Variants in RBPJ observed in about 807,000 individuals in gnomAD.
RBPJ encodes the protein recombining binding protein suppressor of hairless.
In RBPJ, 9 loss-of-function variants were observed where a neutral mutation model predicts 67.8. The ratio of observed to expected loss-of-function variants is 0.13; its 90% CI spans 0.08 to 0.23. RBPJ has a LOEUF of 0.23. Among genes scored for constraint, RBPJ ranks in the 10% least tolerant of loss-of-function variants. The probability of loss-of-function intolerance (pLI) is 1.00; values close to 1 mark genes in which losing one functional copy is unlikely to be tolerated. For missense variants in RBPJ, 305 were observed against 595.6 expected (o/e 0.51, Z 5.08); for synonymous variants, 198 against 203.3 (o/e 0.97, Z 0.22).
chr4:26,126,845 AT>A, the RBPJ span, among the ~76,000 whole-genome samples: 2 of 152,360 alleles, frequency 1.3e-5, no homozygotes, highest in African/African-American at 2.4e-5. Flanking sequence ...ACAGAGAACC[AT>A]ATGGACAGTG....
intron 1 of RBPJ, among the ~76,000 whole-genome samples, chr4:26,241,958 G>T (rs574314732): frequency 1.3e-5 from 2 of 152,090 alleles, no homozygotes; most frequent in African/African-American, 4.8e-5. Context: ...GCTCAATACC[G>T]CACAGTCTAA....
the RBPJ span, chr4:26,112,667 A>T: frequency 6.6e-6 from 1 of 150,626 alleles, no homozygotes; most frequent in East Asian, 2.0e-4. Context: ...TTGGAAAAGG[A>T]GCCATATGGA....
chr4:26,413,406 C>A (rs1734235305), intron 3 of RBPJ, among the ~76,000 whole-genome samples: 1 of 152,180 alleles, frequency 6.6e-6, no homozygotes, highest in Non-Finnish European at 1.5e-5. Flanking sequence ...AGTACATATG[C>A]ATGTTATTTC....
At chr4:26,246,638 G>A (rs1719936497) in intron 1 of RBPJ, among the ~76,000 whole-genome samples, 1 of 152,184 alleles carries the variant, frequency 6.6e-6, no homozygotes, top group African/African-American at 2.4e-5. Flanking sequence ...AAGCAAGCCT[G>A]CCACCAGCAA....
chr4:26,208,325 G>T (rs572804425), intron 1 of RBPJ, among the ~76,000 whole-genome samples: 2 of 152,126 alleles, frequency 1.3e-5, no homozygotes, highest in African/African-American at 4.8e-5. Context: ...GGATTCAAAC[G>T]CAGATCATGC....
intron 1 of RBPJ, among the ~76,000 whole-genome samples, chr4:26,255,403 CAAAAAAAA>C (rs766336628): frequency 2.3e-4 from 8 of 34,544 alleles, no homozygotes; most frequent in Non-Finnish European, 3.5e-4. Flanking sequence ...GACTCCGTCT[CAAAAAAAA>C]AAAAAAAAAA....
chr4:26,190,653 C>T (rs1463661772), intron 1 of RBPJ, among the ~76,000 whole-genome samples: 3 of 152,108 alleles, frequency 2.0e-5, no homozygotes, highest in East Asian at 3.8e-4. Context: ...CAGTCTTCAG[C>T]GAGTTTGAAG....
intron 2 of RBPJ, among the ~76,000 whole-genome samples, chr4:26,400,893 C>T (rs1732710178): frequency 6.6e-6 from 1 of 152,182 alleles, no homozygotes; most frequent in South Asian, 2.1e-4. Context: ...TAGTAAGCTT[C>T]CAATAAATCT....
At chr4:26,319,848 G>T (rs778972555), upstream of RBPJ, 1 of 1,592,946 alleles carries the variant, frequency 6.3e-7, no homozygotes, top group Admixed American at 1.7e-5. Context: ...GAATCTCTAG[G>T]AAAGGAAAGA....
At chr4:26,288,848 A>AGATGGAGTCTCGATTTGTCACGAAGG (rs1553857659) in intron 1 of RBPJ, among the ~76,000 whole-genome samples, 2 of 137,846 alleles carry the variant, frequency 1.5e-5, no homozygotes, top group South Asian at 2.2e-4. Context: ...AAGCGAGGTC[A>AGATGGAGTCTCGATTTGTCACGAAGG]CTTTTGTACA....
intron 1 of RBPJ, among the ~76,000 whole-genome samples, chr4:26,325,651 G>C (rs1723548972): frequency 6.6e-6 from 1 of 152,206 alleles, no homozygotes; most frequent in Non-Finnish European, 1.5e-5. Flanking sequence ...CTCAAAAGAT[G>C]TTAGCTACTG....
chr4:26,180,937 G>A (rs930450853), intron 1 of RBPJ, among the ~76,000 whole-genome samples: 1 of 152,154 alleles, frequency 6.6e-6, no homozygotes, highest in African/African-American at 2.4e-5. Flanking sequence ...TATTTCCCAT[G>A]CTGTTCTCAA....
At chr4:26,353,409 C>G (rs1727007687) in intron 1 of RBPJ, among the ~76,000 whole-genome samples, 1 of 152,156 alleles carries the variant, frequency 6.6e-6, no homozygotes, top group South Asian at 2.1e-4. Context: ...TCTGGTTCTG[C>G]CACTTAAATG....
At chr4:26,143,031 C>T in the RBPJ span, among the ~76,000 whole-genome samples, 1 of 152,222 alleles carries the variant, frequency 6.6e-6, no homozygotes, top group Admixed American at 6.5e-5. Context: ...ATCCACCTAC[C>T]TTGGCCTCCC....
At chr4:26,183,654 C>A (rs1039918898) in intron 1 of RBPJ, among the ~76,000 whole-genome samples, 1 of 152,182 alleles carries the variant, frequency 6.6e-6, no homozygotes, top group Non-Finnish European at 1.5e-5. Flanking sequence ...GGGCTAGGAC[C>A]TGGCTGATCC....
the RBPJ span, chr4:26,111,956 T>G: frequency 4.2e-5 from 9 of 213,140 alleles, no homozygotes; most frequent in Non-Finnish European, 8.1e-5. Flanking sequence ...GCTCAGAAGA[T>G]GCTGTCCAGA....
intron 2 of RBPJ, among the ~76,000 whole-genome samples, chr4:26,400,624 T>C (rs938561927): frequency 2.0e-5 from 3 of 152,248 alleles, no homozygotes; most frequent in Non-Finnish European, 4.4e-5. Context: ...AATGTTTTAA[T>C]ATTCTGTTTA....
chr4:26,146,646 C>A, the RBPJ span, among the ~76,000 whole-genome samples: 1 of 152,300 alleles, frequency 6.6e-6, no homozygotes, highest in Middle Eastern at 3.4e-3. Flanking sequence ...CTCCTGCTCT[C>A]ATGGGGTTTA....
At chr4:26,180,967 G>A (rs956685595) in intron 1 of RBPJ, among the ~76,000 whole-genome samples, 4 of 151,902 alleles carry the variant, frequency 2.6e-5, no homozygotes, top group East Asian at 1.9e-4. Flanking sequence ...TAAGTCCTAC[G>A]AGATCTGATA....
Sources: gnomAD v4.1 joint callset for allele counts (sites outside exome capture counted in the v4.1 genomes callset) on GRCh38, gnomAD v4.1.1 for gene constraint, MANE v1.5 for transcripts, NCBI Gene and HGNC (gene_info 2026-07-23, HGNC 2026-07-21) for gene names.